The following CAMKMT variants were observed in gnomAD, a reference collection of about 807,000 sequenced individuals.
CAMKMT encodes CaM KMT.
CAMKMT carries 53 observed loss-of-function variants against 48.0 expected under a neutral mutation model. The observed-to-expected ratio is 1.10, with a 90% CI of 0.89 to 1.39. CAMKMT has a LOEUF of 1.39. CAMKMT is among the 40% of genes most tolerant of loss of function. CAMKMT has a pLI of 0.00. For missense variants in CAMKMT, 428 were observed against 402.7 expected (o/e 1.06, Z -0.54); for synonymous variants, 165 against 152.3 (o/e 1.08, Z -0.61).
chr2:44,605,113 T>G (rs181445773), intron 3 of CAMKMT, among the ~76,000 whole-genome samples: 5 of 152,244 alleles, frequency 3.3e-5, no homozygotes. Flanking sequence ...CTCCTTTATT[T>G]CCCTGCTCTT....
In CAMKMT at chr2:44,524,369, G is replaced by T. The variant is rs551732450; in HGVS notation, c.376+134064G>T. On this transcript the variant is annotated intron_variant, in intron 3 of 10. Transcript: ENST00000378494. Reference sequence around the variant, plus strand: ...GGAGTTGCTTTTTTCCAGGACTAACGTTGGATGCTTGGAGATAATTATTTT... The same window carrying T: ...GGAGTTGCTTTTTTCCAGGACTAACTTTGGATGCTTGGAGATAATTATTTT... Among the ~76,000 whole-genome samples the T allele has an allele frequency of 9.1e-4, 139 of 152,202 alleles. 2 individuals are homozygous for T. In the South Asian group the frequency reaches 0.014, roughly 16 times the overall value.
intron 3 of CAMKMT, among the ~76,000 whole-genome samples, chr2:44,595,926 C>G (rs1210492790): frequency 6.7e-6 from 1 of 150,078 alleles, no homozygotes; most frequent in East Asian, 2.0e-4. Flanking sequence ...TAAGTGGGAG[C>G]TGAACAATGA....
At chr2:44,684,776 A>G (rs180777376) in intron 3 of CAMKMT, among the ~76,000 whole-genome samples, 61 of 152,334 alleles carry the variant, frequency 4.0e-4, no homozygotes, top group African/African-American at 1.3e-3. Flanking sequence ...CAGAGGATCT[A>G]TCCTGTCTAT....
intron 6 of CAMKMT, among the ~76,000 whole-genome samples, chr2:44,712,810 A>G (rs1366808102): frequency 1.3e-5 from 2 of 152,156 alleles, no homozygotes; most frequent in African/African-American, 2.4e-5. Context: ...TTCCTTTATT[A>G]CACTGAGGTG....
chr2:44,368,206 C>T (rs1329482396), intron 1 of CAMKMT, among the ~76,000 whole-genome samples: 1 of 152,084 alleles, frequency 6.6e-6, no homozygotes. Context: ...TTCCTTCACC[C>T]CAGATAATTT....
chr2:44,771,776 A>G (rs958241116), intron 10 of CAMKMT, among the ~76,000 whole-genome samples: 1 of 152,170 alleles, frequency 6.6e-6, no homozygotes, highest in Non-Finnish European at 1.5e-5. Context: ...AGTGCCTCAC[A>G]GTTTATAGAG....
intron 7 of CAMKMT, among the ~76,000 whole-genome samples, chr2:44,740,551 G>T (rs1163303755): frequency 6.6e-6 from 1 of 152,134 alleles, no homozygotes; most frequent in Non-Finnish European, 1.5e-5. Context: ...ACCTAGGATA[G>T]TGGGAAACTA....
rs531866984 is a variant in CAMKMT at position 44,455,406 on chromosome 2, G to A, written c.376+65101G>A. ...GTGCAGGAAGAAGAGAAGAAATTGC[G>A]TTGCCATGATACACTGTAAGGGCTT... On this transcript the variant is annotated intron_variant, in intron 3 of 10. Coordinates refer to ENST00000378494, the MANE Select transcript of CAMKMT (RefSeq NM_024766.5). Among the ~76,000 whole-genome samples, 5 of 152,252 alleles carry A rather than the reference G, an allele frequency of 3.3e-5. 1 individual carries two copies. Among genetic ancestry groups the A allele is most frequent in the African/African-American group, 1.2e-4 (5 of 41,570 alleles).
At chr2:44,610,452 A>T (rs1013989171) in intron 3 of CAMKMT, among the ~76,000 whole-genome samples, 4 of 152,080 alleles carry the variant, frequency 2.6e-5, no homozygotes, top group Non-Finnish European at 5.9e-5. Flanking sequence ...TGTGAAGTGG[A>T]ATGGATGACC....
intron 7 of CAMKMT, among the ~76,000 whole-genome samples, chr2:44,737,757 T>TCA (rs1340536729): frequency 4.7e-5 from 7 of 150,082 alleles, no homozygotes; most frequent in African/African-American, 1.7e-4. Flanking sequence ...TCTCTCTTTC[T>TCA]CTCTCTCTCT....
At chr2:44,756,468 A>G (rs1453340030) in intron 9 of CAMKMT, among the ~76,000 whole-genome samples, 1 of 152,120 alleles carries the variant, frequency 6.6e-6, no homozygotes, top group Non-Finnish European at 1.5e-5. Context: ...ATGGCCGGGC[A>G]CAGTGGCTCA....
chr2:44,638,870 T>A (rs1673292449), intron 3 of CAMKMT, among the ~76,000 whole-genome samples: 1 of 152,216 alleles, frequency 6.6e-6, no homozygotes, highest in African/African-American at 2.4e-5. Flanking sequence ...CCAGTTTTGC[T>A]ATCTTTGCTG....
At chr2:44,731,220 A>G (rs1679062934) in intron 7 of CAMKMT, among the ~76,000 whole-genome samples, 1 of 152,132 alleles carries the variant, frequency 6.6e-6, no homozygotes, top group African/African-American at 2.4e-5. Flanking sequence ...ACATGCCTGT[A>G]ATTTCAGCTA....
At chr2:44,544,206 G>C (rs1328053261) in intron 3 of CAMKMT, among the ~76,000 whole-genome samples, 2 of 151,996 alleles carry the variant, frequency 1.3e-5, no homozygotes, top group Non-Finnish European at 2.9e-5. Flanking sequence ...TTCTTTTCCT[G>C]TGTCAATGAT....
At chr2:44,386,763 C>T (rs755971968) in intron 2 of CAMKMT, among the ~76,000 whole-genome samples, 23 of 151,978 alleles carry the variant, frequency 1.5e-4, no homozygotes, top group Non-Finnish European at 2.2e-4. Flanking sequence ...ACCTTGATTT[C>T]GTTTTTGGCC....
intron 3 of CAMKMT, among the ~76,000 whole-genome samples, chr2:44,503,984 GGA>G (rs370141046): frequency 1.9e-4 from 27 of 142,644 alleles, no homozygotes; most frequent in East Asian, 8.2e-4. Context: ...GAGCGGGTGG[GGA>G]GAGAGAGAGA....
At chr2:44,525,725 C>G (rs1671369443) in intron 3 of CAMKMT, among the ~76,000 whole-genome samples, 1 of 152,068 alleles carries the variant, frequency 6.6e-6, no homozygotes, top group Non-Finnish European at 1.5e-5. Flanking sequence ...GAAACTGAGG[C>G]TGGAAGAGGG....
chr2:44,434,349 C>A (rs1192893080), intron 3 of CAMKMT, among the ~76,000 whole-genome samples: 1 of 151,946 alleles, frequency 6.6e-6, no homozygotes, highest in Non-Finnish European at 1.5e-5. Flanking sequence ...AAGTGTATTG[C>A]AAATAACAGA....
At chr2:44,395,562 G>A (rs1030269066) in intron 3 of CAMKMT, among the ~76,000 whole-genome samples, 8 of 152,134 alleles carry the variant, frequency 5.3e-5, no homozygotes, top group Non-Finnish European at 1.0e-4. Context: ...AGGTACATGG[G>A]ATATGAAGTT....
Sources: gnomAD v4.1 joint callset for allele counts (sites outside exome capture counted in the v4.1 genomes callset) on GRCh38, gnomAD v4.1.1 for gene constraint, MANE v1.5 for transcripts, NCBI Gene and HGNC (gene_info 2026-07-23, HGNC 2026-07-21) for gene names.